EFL1: variants seen among roughly 807,000 people sequenced by gnomAD.
EFL1 encodes the protein elongation factor like GTPase 1, also known as elongation factor-like GTPase 1.
EFL1 carries 76 observed loss-of-function variants against 126.7 expected under a neutral mutation model. The ratio of observed to expected loss-of-function variants is 0.60; its 90% CI spans 0.50 to 0.73. The LOEUF (loss-of-function observed/expected upper bound fraction) is 0.73. Among genes scored for constraint, EFL1 ranks in the 30% least tolerant of loss-of-function variants. EFL1 has a pLI of 0.00. For missense variants in EFL1, 1,128 were observed against 1,343.2 expected, an observed-to-expected ratio of 0.84 and a Z score of 2.50; for synonymous variants, 410 against 448.4, an observed-to-expected ratio of 0.91 and a Z score of 1.08.
chr15:82,220,139 G>T lies in EFL1; in HGVS notation c.1383C>A (p.Pro461=). Residue 461 remains proline, a synonymous_variant, in exon 13 of 20, where the codon CCC becomes CCA. Coordinates refer to ENST00000268206, the MANE Select transcript of EFL1 (RefSeq NM_024580.6). ...EKLAAAQGQA[P]LEPTQDGSAI... ...CACTCCCATCTTGGGTGGGCTCCAA[G>T]GGTGCCTGTCCCTGTGCTGCTGCAA... 1.2e-6 allele frequency: 2 copies of T among 1,613,836 alleles called. No individual in the cohort carries two copies. Among genetic ancestry groups the T allele is most frequent in the Non-Finnish European group, 1.7e-6 (2 of 1,179,854 alleles).
At chr15:82,243,749 C>T (rs1165744080) in intron 4 of EFL1, among the ~76,000 whole-genome samples, 1 of 148,702 alleles carries the variant, frequency 6.7e-6, no homozygotes, top group Non-Finnish European at 1.5e-5. Flanking sequence ...GAATACCTAT[C>T]TACTTATCTA....
chr15:82,226,540 C>G (rs539088881), intron 11 of EFL1, among the ~76,000 whole-genome samples: 1 of 152,244 alleles, frequency 6.6e-6, no homozygotes, highest in East Asian at 1.9e-4. Flanking sequence ...GTCTCCCTAA[C>G]TGAGATGGGA....
chr15:82,173,878 ATCTT>A (rs1270101274), intron 15 of EFL1, among the ~76,000 whole-genome samples: 1 of 151,852 alleles, frequency 6.6e-6, no homozygotes, highest in African/African-American at 2.4e-5. Context: ...TGATAAAACA[ATCTT>A]TTTTTCTTTT....
At chr15:82,239,237 C>A (rs1406287506) in intron 6 of EFL1, among the ~76,000 whole-genome samples, 1 of 152,092 alleles carries the variant, frequency 6.6e-6, no homozygotes, top group Admixed American at 6.5e-5. Context: ...CCCGGGTTCA[C>A]ACCATTCTCC....
At chr15:82,222,677 A>C (rs2074724331) in intron 12 of EFL1, among the ~76,000 whole-genome samples, 1 of 152,254 alleles carries the variant, frequency 6.6e-6, no homozygotes, top group Non-Finnish European at 1.5e-5. Flanking sequence ...GATAGTAATC[A>C]GCAAGGATGT....
Position 82,228,259 on chromosome 15 carries a change from T to C in EFL1, c.1001A>G (p.His334Arg). ...GTTGATCTGAACTTTAGGGTCTGAA[T>C]GTCGTGCCTCCCGGGCTCCAATTTT... The part of the protein sequence containing the change: ...GLKIGAREAR[H>R]SDPKVQINAI... Residue 334 changes from histidine (H) to arginine (R), a missense_variant, in exon 10 of 20, where the codon CAT becomes CGT. This residue lies in a region of EFL1 where 316 missense variants were observed against 318.5 expected (regional missense o/e 0.99). Transcript: ENST00000268206. 6.2e-7 allele frequency: 1 copy of C among 1,614,154 alleles called. No homozygotes were observed. The highest frequency in any genetic ancestry group is 8.5e-7 in the Non-Finnish European group (1 of 1,179,996).
intron 2 of EFL1, among the ~76,000 whole-genome samples, 184 bp from the exon 3 acceptor site, chr15:82,259,339 G>T (rs1040284300): frequency 2.6e-5 from 4 of 152,184 alleles, no homozygotes; most frequent in Admixed American, 1.3e-4. Context: ...GGACACAGAG[G>T]CTAGCACTCT....
chr15:82,188,873 T>C (rs2074328583), intron 15 of EFL1, among the ~76,000 whole-genome samples: 2 of 152,084 alleles, frequency 1.3e-5, no homozygotes, highest in South Asian at 2.1e-4. Context: ...GGTATATCAA[T>C]GGTAAAGTTT....
chr15:82,261,835 T>G (rs2068550714), intron 1 of EFL1, 38 bp from the exon 2 acceptor site: 1 of 1,534,340 alleles, frequency 6.5e-7, no homozygotes, highest in African/African-American at 1.4e-5. Flanking sequence ...GCCCAGAGGC[T>G]AAAGGTCGGG....
intron 14 of EFL1, among the ~76,000 whole-genome samples, chr15:82,217,539 A>C (rs1248463880): frequency 2.0e-5 from 3 of 152,004 alleles, no homozygotes; most frequent in Admixed American, 6.6e-5. Flanking sequence ...TAAAAAAAAA[A>C]AGGCAGGTTG....
intron 4 of EFL1, among the ~76,000 whole-genome samples, chr15:82,245,574 C>T (rs1567077797): frequency 6.6e-6 from 1 of 152,000 alleles, no homozygotes; most frequent in Non-Finnish European, 1.5e-5. Flanking sequence ...ACACAGGTAA[C>T]AGGGTAACTA....
chr15:82,131,789 T>C (rs1284018687), intron 19 of EFL1, among the ~76,000 whole-genome samples: 7 of 151,838 alleles, frequency 4.6e-5, no homozygotes. Context: ...TGAAACTCTG[T>C]CTCAAAAGAA....
intron 15 of EFL1, among the ~76,000 whole-genome samples, chr15:82,183,036 GA>G (rs1431634835): frequency 3.3e-5 from 5 of 152,094 alleles, no homozygotes; most frequent in African/African-American, 7.2e-5. Context: ...GTCTGCAGGT[GA>G]AAAAGGCCAG....
At chr15:82,188,990 C>T (rs763149131) in intron 15 of EFL1, among the ~76,000 whole-genome samples, 14 of 146,070 alleles carry the variant, frequency 9.6e-5, no homozygotes, top group Non-Finnish European at 1.6e-4. Context: ...ACAACAGGAA[C>T]ACATTCTGAG....
Position 82,225,187 on chromosome 15 carries a change from C to G in EFL1, c.1270G>C (p.Ala424Pro), listed in dbSNP as rs1308029680. 6.2e-7 allele frequency: 1 copy of G among 1,611,650 alleles called. No individual in the cohort carries two copies. Among genetic ancestry groups the G allele is most frequent in the Non-Finnish European group, 8.5e-7 (1 of 1,179,248 alleles). ...VSKMFAVDAK[A>P]LPQNKPRPLT... is the part of the protein sequence containing the mutation. ...TACCTTGGCTTATTCTGAGGCAAGGCCTTAGCATCAACTGCAAACATTTTG... is the reference window on the plus strand; with the variant it reads ...TACCTTGGCTTATTCTGAGGCAAGGGCTTAGCATCAACTGCAAACATTTTG... Residue 424 changes from alanine to proline, a missense_variant, in exon 12 of 20, where the codon GCC becomes CCC. Coordinates refer to ENST00000268206, the MANE Select transcript of EFL1 (RefSeq NM_024580.6).
At chr15:82,220,021 CCA>C in intron 13 of EFL1, 55 bp downstream of exon 13, 1 of 1,537,276 alleles carries the variant, frequency 6.5e-7, no homozygotes. Flanking sequence ...GATGAGTGTC[CCA>C]AGTTAAGCAA....
At chr15:82,130,743 A>C (rs1425918414) in intron 19 of EFL1, among the ~76,000 whole-genome samples, 182 bp from the exon 20 acceptor site, 1 of 152,248 alleles carries the variant, frequency 6.6e-6, no homozygotes, top group East Asian at 1.9e-4. Flanking sequence ...TCACGCCTAT[A>C]GTCCTAGCAC....
At chr15:82,180,159 T>G (rs1056181776) in intron 15 of EFL1, among the ~76,000 whole-genome samples, 1 of 151,994 alleles carries the variant, frequency 6.6e-6, no homozygotes, top group Non-Finnish European at 1.5e-5. Flanking sequence ...TGCTATCTTC[T>G]TTTCTCTAAT....
Position 82,241,384 on chromosome 15 carries a change from G to A in EFL1, c.264C>T (p.Ile88=), listed in dbSNP as rs754091163. Residue 88 remains isoleucine, a synonymous_variant, in exon 5 of 20, where the codon ATC becomes ATT. Coordinates refer to ENST00000268206, the MANE Select transcript of EFL1 (RefSeq NM_024580.6). The stretch of plus-strand genomic sequence containing the variant: ...CGTGTCCTGGAGAGTCTATCAGATT[G>A]ATCAGGTACTCCTCATTACCTAAAA... ...HYATGNEEYL[I]NLIDSPGHVD... 2.5e-6 allele frequency: 4 copies of A among 1,613,866 alleles called. No homozygotes were observed. In the African/African-American group the frequency reaches 4.0e-5, roughly 16 times the overall value.
Sources: allele counts gnomAD v4.1 joint callset (sites outside exome capture counted in the v4.1 genomes callset), GRCh38; gene constraint gnomAD v4.1.1; regional missense constraint gnomAD v4.1.1; transcripts MANE v1.5; gene names NCBI Gene and HGNC (gene_info 2026-07-23, HGNC 2026-07-21).